The following SVOP variants were observed in gnomAD, a reference collection of about 807,000 sequenced individuals.
SVOP encodes the protein synaptic vesicle 2-related protein.
Under a neutral mutation model 69.1 loss-of-function variants are expected in SVOP, and 17 were observed. That is an observed-to-expected ratio of 0.25 (90% CI 0.17 to 0.37). The LOEUF (loss-of-function observed/expected upper bound fraction) is 0.37. Ranked by LOEUF, SVOP falls within the 10% of genes least tolerant of loss-of-function variation. SVOP has a pLI of 1.00. For synonymous variants in SVOP, 238 were observed against 238.6 expected, an observed-to-expected ratio of 1.00 and a Z score of 0.02; for missense variants, 435 against 597.5, an observed-to-expected ratio of 0.73 and a Z score of 2.84.
At chr12:108,962,704 A>T (rs566616703) in intron 5 of SVOP, among the ~76,000 whole-genome samples, 1 of 152,266 alleles carries the variant, frequency 6.6e-6, no homozygotes, top group East Asian at 1.9e-4. Flanking sequence ...GGTGGCTCAC[A>T]TCTGTAATCC....
intron 2 of SVOP, among the ~76,000 whole-genome samples, chr12:108,983,287 C>G (rs1277625643): frequency 1.4e-5 from 1 of 69,304 alleles, no homozygotes; most frequent in Non-Finnish European, 3.0e-5. Flanking sequence ...TGATCATCAC[C>G]ATCATCATTG....
intron 1 of SVOP, among the ~76,000 whole-genome samples, chr12:109,010,763 A>G (rs539706261): frequency 1.3e-5 from 2 of 152,224 alleles, no homozygotes; most frequent in African/African-American, 4.8e-5. Context: ...TGGCCTCCCA[A>G]AGTGCTGGGA....
At chr12:109,003,825 C>G (rs756115252) in intron 1 of SVOP, among the ~76,000 whole-genome samples, 2 of 152,180 alleles carry the variant, frequency 1.3e-5, no homozygotes, top group Non-Finnish European at 2.9e-5. Context: ...CCAGGCTGGT[C>G]TCAAACTCCT....
At chr12:109,004,094 C>G (rs1427852678) in intron 1 of SVOP, among the ~76,000 whole-genome samples, 1 of 151,880 alleles carries the variant, frequency 6.6e-6, no homozygotes, top group Non-Finnish European at 1.5e-5. Flanking sequence ...AAGAATTTGT[C>G]AACTACATGA....
intron 5 of SVOP, among the ~76,000 whole-genome samples, chr12:108,964,776 C>G (rs1052000503): frequency 6.6e-6 from 1 of 152,188 alleles, no homozygotes; most frequent in Non-Finnish European, 1.5e-5. Flanking sequence ...GTTCTGCCCT[C>G]TATAGATTGA....
At chr12:108,994,135 T>TAA (rs2040218710) in intron 1 of SVOP, among the ~76,000 whole-genome samples, 2 of 152,230 alleles carry the variant, frequency 1.3e-5, no homozygotes, top group South Asian at 2.1e-4. Flanking sequence ...TGCCACCAGC[T>TAA]TTGTTCTGCT....
At chr12:108,948,584 G>T (rs1364038629) in intron 6 of SVOP, among the ~76,000 whole-genome samples, 2 of 152,202 alleles carry the variant, frequency 1.3e-5, no homozygotes, top group Non-Finnish European at 2.9e-5. Context: ...TGTTGGGACA[G>T]TTTCACAGTT....
chr12:108,968,042 T>C (rs1247528386), intron 5 of SVOP, among the ~76,000 whole-genome samples: 2 of 152,172 alleles, frequency 1.3e-5, no homozygotes, highest in Non-Finnish European at 2.9e-5. Flanking sequence ...CCTACATGAA[T>C]GACCATTGTG....
intron 1 of SVOP, among the ~76,000 whole-genome samples, chr12:109,018,756 G>A: frequency 6.6e-6 from 1 of 152,196 alleles, no homozygotes; most frequent in South Asian, 2.1e-4. Flanking sequence ...TTTTGAGGGA[G>A]TCCAGTACAG....
At chr12:108,915,946 G>C (rs1245969091) in intron 14 of SVOP, 74 bp from the exon 15 acceptor site, 34 of 1,397,176 alleles carry the variant, frequency 2.4e-5, no homozygotes, top group Middle Eastern at 2.0e-4. Context: ...AAGCTGATAG[G>C]ACCAACCTCA....
intron 6 of SVOP, among the ~76,000 whole-genome samples, chr12:108,956,942 C>T (rs2039988855): frequency 6.6e-6 from 1 of 152,156 alleles, no homozygotes; most frequent in African/African-American, 2.4e-5. Context: ...GACACAATAC[C>T]CACTTAAGTC....
intron 1 of SVOP, among the ~76,000 whole-genome samples, chr12:109,017,983 CT>C (rs2040377132): frequency 1.3e-5 from 2 of 152,194 alleles, no homozygotes; most frequent in East Asian, 3.9e-4. Flanking sequence ...GCTAAATGTA[CT>C]ATTGGACATT....
chr12:109,020,751 T>TGGGGGGGGGGGGGGGGGG, intron 1 of SVOP, 83 bp downstream of exon 1: 1 of 398,290 alleles, frequency 2.5e-6, no homozygotes, highest in East Asian at 7.1e-5. Flanking sequence ...CATGCAGAGA[T>TGGGGGGGGGGGGGGGGGG]GTACCCCCCC....
At chr12:108,982,905 TCCTTATCATCTTTCATCACTAG>T in intron 2 of SVOP, among the ~76,000 whole-genome samples, 1 of 125,804 alleles carries the variant, frequency 7.9e-6, no homozygotes, top group South Asian at 2.5e-4. Context: ...ATCATTGCCA[TCCTTATCATCTTTCATCACTAG>T]CATCATCATC....
intron 11 of SVOP, 57 bp downstream of exon 11, chr12:108,934,138 G>A (rs1372897249): frequency 6.9e-7 from 1 of 1,459,358 alleles, no homozygotes; most frequent in Non-Finnish European, 9.4e-7. Flanking sequence ...GTGCATGACT[G>A]TGTATGTGCC....
intron 5 of SVOP, among the ~76,000 whole-genome samples, chr12:108,965,555 TA>T (rs1383947036): frequency 6.6e-6 from 1 of 152,122 alleles, no homozygotes; most frequent in African/African-American, 2.4e-5. Flanking sequence ...AAAAAACACA[TA>T]ACTTTATTTT....
intron 6 of SVOP, among the ~76,000 whole-genome samples, chr12:108,959,342 C>G (rs1207316981): frequency 7.3e-6 from 1 of 137,034 alleles, no homozygotes; most frequent in Admixed American, 8.9e-5. Context: ...CCAACCTCAG[C>G]TTTTAATTCT....
At chr12:108,931,703 G>C (rs1426590604) in intron 11 of SVOP, among the ~76,000 whole-genome samples, 1 of 152,020 alleles carries the variant, frequency 6.6e-6, no homozygotes, top group Non-Finnish European at 1.5e-5. Context: ...GCGTGATGGC[G>C]GTCGCCTGTA....
chr12:108,970,492 T>C (rs1192657796), intron 5 of SVOP, among the ~76,000 whole-genome samples: 2 of 152,208 alleles, frequency 1.3e-5, no homozygotes, highest in Non-Finnish European at 2.9e-5. Flanking sequence ...CTAGTTGTAG[T>C]GGAGATTGCC....
Sources: allele counts gnomAD v4.1 joint callset (sites outside exome capture counted in the v4.1 genomes callset), GRCh38; gene constraint gnomAD v4.1.1; transcripts MANE v1.5; gene names NCBI Gene and HGNC (gene_info 2026-07-23, HGNC 2026-07-21).